Variants in FRMD5 observed in about 807,000 individuals in gnomAD.
The protein encoded by FRMD5 is FERM domain-containing protein 5.
FRMD5 carries 20 observed loss-of-function variants against 69.0 expected under a neutral mutation model. The ratio of observed to expected loss-of-function variants is 0.29; its 90% CI spans 0.20 to 0.42. The LOEUF is 0.42. Among genes scored for constraint, FRMD5 ranks in the 10% least tolerant of loss-of-function variants. FRMD5 has a pLI of 1.00. For synonymous variants in FRMD5, 271 were observed against 260.1 expected, an observed-to-expected ratio of 1.04 and a Z score of -0.40; for missense variants, 595 against 708.6, an observed-to-expected ratio of 0.84 and a Z score of 1.82.
intron 4 of FRMD5, 115 bp downstream of exon 4, chr15:43,919,344 T>A: frequency 1.2e-6 from 1 of 869,382 alleles, no homozygotes; most frequent in East Asian, 2.4e-5. Context: ...TTAGGAAGAG[T>A]TCCTTGCCTC....
chr15:44,156,063 GT>G (rs2077523032), intron 1 of FRMD5, among the ~76,000 whole-genome samples: 1 of 152,176 alleles, frequency 6.6e-6, no homozygotes, highest in Non-Finnish European at 1.5e-5. Flanking sequence ...AAAGCCTTAA[GT>G]GTATTGAAAA....
chr15:44,194,463 G>T, intron 1 of FRMD5: 1 of 215,284 alleles, frequency 4.6e-6, no homozygotes, highest in Non-Finnish European at 9.4e-6. Context: ...TGAAAGCTCT[G>T]ACTCACAAAT....
chr15:43,902,019 A>T (rs2089057341), intron 7 of FRMD5, 156 bp downstream of exon 7: 2 of 657,904 alleles, frequency 3.0e-6, no homozygotes, highest in African/African-American at 3.6e-5. Flanking sequence ...TGTGATCCAG[A>T]GGAGTTTTCA....
At chr15:43,955,531 T>A (rs1385494056) in intron 1 of FRMD5, among the ~76,000 whole-genome samples, 1 of 152,242 alleles carries the variant, frequency 6.6e-6, no homozygotes, top group African/African-American at 2.4e-5. Flanking sequence ...GAAAGTGTGA[T>A]TTGTATGCAT....
At chr15:44,117,991 C>CTT (rs747747488) in intron 1 of FRMD5, among the ~76,000 whole-genome samples, 2,235 of 92,530 alleles carry the variant, frequency 0.024, 136 homozygotes, top group African/African-American at 0.089. Flanking sequence ...TTCTTTTTTA[C>CTT]TTTTTTTTTT....
intron 13 of FRMD5, among the ~76,000 whole-genome samples, chr15:43,875,517 G>A (rs1001679550): frequency 6.6e-6 from 1 of 151,302 alleles, no homozygotes; most frequent in African/African-American, 2.4e-5. Flanking sequence ...TTACTCTGTC[G>A]CCCAGGTTGG....
chr15:44,011,304 T>C (rs1890710209), intron 1 of FRMD5, among the ~76,000 whole-genome samples: 1 of 151,136 alleles, frequency 6.6e-6, no homozygotes, highest in South Asian at 2.1e-4. Context: ...ACGGTAGTAG[T>C]GAAGTTTGTA....
At chr15:43,890,892 C>T (rs1004455334) in intron 8 of FRMD5, among the ~76,000 whole-genome samples, 2 of 152,154 alleles carry the variant, frequency 1.3e-5, no homozygotes, top group Non-Finnish European at 2.9e-5. Flanking sequence ...CAAGCTCAAA[C>T]TCAGTGGGGG....
chr15:43,921,859 G>A (rs1452013300), intron 2 of FRMD5, among the ~76,000 whole-genome samples: 1 of 152,202 alleles, frequency 6.6e-6, no homozygotes. Context: ...TCCTCCAGGA[G>A]AGACCAGGAG....
intron 1 of FRMD5, among the ~76,000 whole-genome samples, chr15:44,046,435 C>T (rs1315621040): frequency 6.6e-6 from 1 of 152,218 alleles, no homozygotes; most frequent in Non-Finnish European, 1.5e-5. Context: ...CATATCCTTA[C>T]ACATTTCCAT....
chr15:44,114,134 T>C (rs1279436352), intron 1 of FRMD5, among the ~76,000 whole-genome samples: 1 of 152,150 alleles, frequency 6.6e-6, no homozygotes, highest in African/African-American at 2.4e-5. Flanking sequence ...CTAATGATAC[T>C]GAAATTCATA....
At chr15:43,899,970 T>C (rs997293884) in intron 7 of FRMD5, among the ~76,000 whole-genome samples, 4 of 152,178 alleles carry the variant, frequency 2.6e-5, no homozygotes, top group African/African-American at 7.2e-5. Context: ...TCTCTGTGTC[T>C]TTTCAACTCT....
At chr15:44,168,143 A>G (rs2077740977) in intron 1 of FRMD5, among the ~76,000 whole-genome samples, 1 of 152,248 alleles carries the variant, frequency 6.6e-6, no homozygotes, top group Non-Finnish European at 1.5e-5. Flanking sequence ...AGAATAAATC[A>G]AATTGTTTGC....
chr15:44,176,237 G>T (rs2077892316), intron 1 of FRMD5, among the ~76,000 whole-genome samples: 1 of 152,108 alleles, frequency 6.6e-6, no homozygotes, highest in Admixed American at 6.6e-5. Flanking sequence ...TATATTTATG[G>T]TCTATTCATC....
intron 1 of FRMD5, among the ~76,000 whole-genome samples, chr15:44,091,505 C>G (rs1411558913): frequency 6.6e-6 from 1 of 152,070 alleles, no homozygotes; most frequent in African/African-American, 2.4e-5. Context: ...TGAATGCTTT[C>G]CTAACTAATT....
intron 1 of FRMD5, among the ~76,000 whole-genome samples, chr15:44,141,471 G>T (rs1322915137): frequency 6.6e-6 from 1 of 152,114 alleles, no homozygotes; most frequent in East Asian, 1.9e-4. Context: ...GGGGAAATCA[G>T]ACCACTCAAT....
intron 1 of FRMD5, among the ~76,000 whole-genome samples, chr15:44,107,496 C>A (rs2076736778): frequency 6.6e-6 from 1 of 152,138 alleles, no homozygotes; most frequent in Admixed American, 6.5e-5. Flanking sequence ...CTCATATGCT[C>A]TTTATTACAC....
chr15:44,189,169 A>C (rs2078152508), intron 1 of FRMD5, among the ~76,000 whole-genome samples: 1 of 152,206 alleles, frequency 6.6e-6, no homozygotes. Context: ...GAGTCTTTAC[A>C]AGTTCCTGCC....
intron 1 of FRMD5, among the ~76,000 whole-genome samples, chr15:43,996,193 C>A (rs1889915793): frequency 6.6e-6 from 1 of 151,696 alleles, no homozygotes; most frequent in African/African-American, 2.4e-5. Context: ...GCAGGGTCCA[C>A]TGAGCAGGCC....
Sources: allele counts gnomAD v4.1 joint callset (sites outside exome capture counted in the v4.1 genomes callset), GRCh38; gene constraint gnomAD v4.1.1; transcripts MANE v1.5; gene names NCBI Gene and HGNC (gene_info 2026-07-23, HGNC 2026-07-21).